The following DNAAF5 variants were observed in gnomAD, a reference collection of about 807,000 sequenced individuals.
The protein encoded by DNAAF5 is HEAT repeat containing 2.
Under a neutral mutation model 75.8 loss-of-function variants are expected in DNAAF5, and 64 were observed. The observed-to-expected ratio is 0.84, with a 90% confidence interval of 0.69 to 1.04. The LOEUF (loss-of-function observed/expected upper bound fraction) is 1.04, where lower values mean the gene tolerates loss of function less well. DNAAF5 is among the 50% of genes least tolerant of loss of function. DNAAF5 has a pLI of 0.00. For synonymous variants in DNAAF5, 657 were observed against 557.2 expected, an observed-to-expected ratio of 1.18 and a Z score of -2.52; for missense variants, 1,269 against 1,178.5, an observed-to-expected ratio of 1.08 and a Z score of -1.12.
intron 2 of DNAAF5, among the ~76,000 whole-genome samples, chr7:735,559 CTGCTCACGATGTCAT>C (rs1781717331): frequency 6.6e-6 from 1 of 152,184 alleles, no homozygotes; most frequent in Admixed American, 6.5e-5. Context: ...CACAGTGTCG[CTGCTCACGATGTCAT>C]TGCTCACAGT....
chr7:761,791 T>C lies in DNAAF5; in HGVS notation c.1509T>C (p.Ala503=), dbSNP rs1473738639. 9.3e-6 allele frequency: 15 copies of C among 1,609,160 alleles called. No homozygotes were observed. In the South Asian group the frequency reaches 1.7e-4, roughly 18 times the overall value. ...YLERLLLCVQ[A]LVSVCHEDCG... ...AGCGCCTGCTGCTGTGTGTGCAGGC[T>C]CTGGTGTCTGTGTGTCATGAGGACT... is the stretch of plus-strand genomic sequence containing the variant. The change falls in exon 7 of 13, where the codon GCT becomes GCC. Residue 503 remains alanine (A), a synonymous_variant. Coordinates refer to ENST00000297440, the MANE Select transcript of DNAAF5 (RefSeq NM_017802.4).
chr7:751,944 T>C (rs1782310416), intron 4 of DNAAF5, among the ~76,000 whole-genome samples: 1 of 149,932 alleles, frequency 6.7e-6, no homozygotes, highest in African/African-American at 2.5e-5. Context: ...ACAAACTGAT[T>C]GTGAAATTCT....
Position 774,164 on chromosome 7 carries a change from C to T in DNAAF5, c.2048C>T (p.Ala683Val), listed in dbSNP as rs1159798626. Residue 683 changes from alanine to valine, a missense_variant, in exon 10 of 13, where the codon GCG becomes GTG. Ala to Val is a moderately conservative substitution (Grantham distance 64). Coordinates refer to ENST00000297440, the MANE Select transcript of DNAAF5 (RefSeq NM_017802.4). The part of the protein sequence containing the change: ...IRTAAVSCLW[A>V]LTSSEVLSAE... ...ACGGCTGCCGTGTCCTGCCTCTGGG[C>T]GCTCACCAGCAGCGAGGTCCTGTCG... 2.5e-6 allele frequency: 4 copies of T among 1,611,686 alleles called. No individual in the cohort carries two copies. The Admixed American group carries it at 5.0e-5, about 20-fold the overall frequency.
chr7:775,686 C>T (rs1778738563), intron 11 of DNAAF5, among the ~76,000 whole-genome samples: 1 of 152,216 alleles, frequency 6.6e-6, no homozygotes, highest in South Asian at 2.1e-4. Flanking sequence ...CCAAGTACAA[C>T]GTTGAACCCG....
intron 11 of DNAAF5, among the ~76,000 whole-genome samples, chr7:779,223 G>A (rs1778857744): frequency 6.6e-6 from 1 of 152,212 alleles, no homozygotes; most frequent in South Asian, 2.1e-4. Flanking sequence ...GCGGGAAGAT[G>A]GGCCTGGTGC....
At chr7:737,495 T>G (rs947268542) in intron 2 of DNAAF5, among the ~76,000 whole-genome samples, 1 of 152,278 alleles carries the variant, frequency 6.6e-6, no homozygotes, top group Non-Finnish European at 1.5e-5. Context: ...TGTTGTTCTG[T>G]GTGCTTACTG....
At chr7:732,481 T>C in intron 2 of DNAAF5, 3 of 451,906 alleles carry the variant, frequency 6.6e-6, no homozygotes, top group South Asian at 4.7e-5. Context: ...TCCTGCTCGA[T>C]GTGTGCTGCT....
intron 10 of DNAAF5, among the ~76,000 whole-genome samples, chr7:774,481 G>C (rs559348813): frequency 3.3e-5 from 5 of 152,298 alleles, no homozygotes; most frequent in African/African-American, 9.6e-5. Context: ...GCGGTTTCTC[G>C]GTTTCCGGCC....
intron 8 of DNAAF5, chr7:768,426 T>TC (rs1211252922): frequency 6.9e-6 from 1 of 144,090 alleles, no homozygotes; most frequent in African/African-American, 2.7e-5. Flanking sequence ...GAAGTGTCTG[T>TC]GCTGCGAGTG....
chr7:770,470 G>GGCCCT lies in DNAAF5; in HGVS notation c.1790_1794dup (p.Gly599ProfsTer13). 3 of 1,612,846 alleles carry GGCCCT rather than the reference G, an allele frequency of 1.9e-6. No homozygotes were observed. Among genetic ancestry groups the GGCCCT allele is most frequent in the Non-Finnish European group, 2.5e-6 (3 of 1,179,694 alleles). ...ACAGGAGCCTCTGTTGTGTCTTACA[G>GGCCCT]GCCCTGCCCTGGGAGAAGCCCTGCC... On this transcript the variant is annotated frameshift_variant and splice_region_variant. Coordinates refer to ENST00000297440, the MANE Select transcript of DNAAF5 (RefSeq NM_017802.4). LOFTEE classifies it high-confidence loss of function.
intron 8 of DNAAF5, 38 bp from the exon 9 acceptor site, chr7:770,433 T>G: frequency 6.3e-7 from 1 of 1,596,842 alleles, no homozygotes; most frequent in Non-Finnish European, 8.5e-7. Flanking sequence ...TCCCGTCTCC[T>G]GAGGGCCGTG....
chr7:785,579 A>C lies in DNAAF5; in HGVS notation c.2494A>C (p.Ile832Leu). ...DLLVRETEAV[I>L]HKHRSATYCE... ...CCTGGTGAGGGAGACGGAGGCCGTCATCCACAAGCACCGCTCGGCCACCTA... is the reference window on the plus strand; with the variant it reads ...CCTGGTGAGGGAGACGGAGGCCGTCCTCCACAAGCACCGCTCGGCCACCTA... The change falls in exon 13 of 13, where the codon ATC becomes CTC. Residue 832 changes from isoleucine to leucine, a missense_variant. Physicochemically the swap from Ile to Leu is conservative, Grantham distance 5. Coordinates refer to ENST00000297440, the MANE Select transcript of DNAAF5 (RefSeq NM_017802.4). The C allele has an allele frequency of 6.2e-7, 1 of 1,613,370 alleles. No homozygotes were observed. Among genetic ancestry groups the C allele is most frequent in the Non-Finnish European group, 8.5e-7 (1 of 1,180,010 alleles).
rs532721868 is a variant in DNAAF5 at position 743,115 on chromosome 7, A to C, written c.1024+1650A>C. Among the ~76,000 whole-genome samples, 137 of 152,292 alleles carry C rather than the reference A, an allele frequency of 9.0e-4. 1 individual carries two copies. Among genetic ancestry groups the C allele is most frequent in the African/African-American group, 3.2e-3 (133 of 41,574 alleles). ...CACAGTAGCTCACGCCTGTATCCCA[A>C]CTACGCGGGGGGCCAGGGTGGGAGG... On this transcript the variant is annotated intron_variant, in intron 4 of 12. Coordinates refer to ENST00000297440, the MANE Select transcript of DNAAF5 (RefSeq NM_017802.4).
intron 5 of DNAAF5, among the ~76,000 whole-genome samples, chr7:755,956 GGT>G (rs1289893952): frequency 6.6e-6 from 1 of 151,436 alleles, no homozygotes; most frequent in Non-Finnish European, 1.5e-5. Context: ...CAGAGGGGCT[GGT>G]GTGTGTGTGA....
intron 12 of DNAAF5, among the ~76,000 whole-genome samples, chr7:780,841 GTT>G (rs1194079282): frequency 2.1e-5 from 2 of 96,338 alleles, no homozygotes; most frequent in Admixed American, 1.0e-4. Flanking sequence ...TTTTTTTTTT[GTT>G]TTGTTTTGTT....
At chr7:739,101 GCCCCA>G in intron 2 of DNAAF5, among the ~76,000 whole-genome samples, 1 of 101,768 alleles carries the variant, frequency 9.8e-6, no homozygotes, top group East Asian at 3.5e-4. Flanking sequence ...CACGCCCTCT[GCCCCA>G]TCACTGTATA....
chr7:732,610 C>G, intron 2 of DNAAF5: 1 of 456,068 alleles, frequency 2.2e-6, no homozygotes, highest in Non-Finnish European at 4.4e-6. Flanking sequence ...ACGTTCCTGC[C>G]AAGTACCTGT....
intron 2 of DNAAF5, among the ~76,000 whole-genome samples, chr7:732,744 C>T (rs1445602926): frequency 6.6e-6 from 1 of 152,184 alleles, no homozygotes; most frequent in Non-Finnish European, 1.5e-5. Flanking sequence ...AGTCCCTTGT[C>T]AGATGGGTAT....
chr7:784,322 G>A (rs1779080351), intron 12 of DNAAF5, among the ~76,000 whole-genome samples: 1 of 152,208 alleles, frequency 6.6e-6, no homozygotes, highest in South Asian at 2.1e-4. Context: ...CACAAGTGCA[G>A]CTGCCTGGTG....
Sources: allele counts gnomAD v4.1 joint callset (sites outside exome capture counted in the v4.1 genomes callset), GRCh38; gene constraint gnomAD v4.1.1; transcripts MANE v1.5; gene names NCBI Gene and HGNC (gene_info 2026-07-23, HGNC 2026-07-21).